Variants in PXK observed in about 807,000 individuals in gnomAD.
The protein encoded by PXK is PX domain-containing protein kinase-like protein.
Under a neutral mutation model 84.7 loss-of-function variants are expected in PXK, and 35 were observed. The observed-to-expected ratio is 0.41, with a 90% CI of 0.32 to 0.55. PXK has a LOEUF of 0.55. Among genes scored for constraint, PXK ranks in the 20% least tolerant of loss-of-function variants. The pLI is 0.21. For missense variants in PXK, 634 were observed against 699.7 expected (o/e 0.91, Z 1.06); for synonymous variants, 253 against 260.8 (o/e 0.97, Z 0.29).
In PXK at chr3:58,424,807, G is replaced by T. The variant is rs1416548791; in HGVS notation, c.1584G>T (p.Leu528Phe). The change falls in exon 18 of 18, where the codon TTG becomes TTT. Residue 528 changes from leucine to phenylalanine, a missense_variant. Leu to Phe is a conservative substitution (Grantham distance 22). Coordinates refer to ENST00000356151, the MANE Select transcript of PXK (RefSeq NM_017771.5). ...CTCCACCACCACCAGCAGCTCCCTTGCCTCCTGCGAGCACCGAGGCACCTG... is the reference window on the plus strand; with the variant it reads ...CTCCACCACCACCAGCAGCTCCCTTTCCTCCTGCGAGCACCGAGGCACCTG... ...PPPPPPPAAPLPPASTEAPAQ... is the reference protein window; with the variant it reads ...PPPPPPPAAPFPPASTEAPAQ... 2 of 1,614,118 alleles carry T rather than the reference G, an allele frequency of 1.2e-6. No homozygotes were observed. Among genetic ancestry groups the T allele is most frequent in the Non-Finnish European group, 1.7e-6 (2 of 1,180,030 alleles).
At chr3:58,340,844 G>C (rs1229979427) in intron 1 of PXK, among the ~76,000 whole-genome samples, 2 of 152,110 alleles carry the variant, frequency 1.3e-5, no homozygotes, top group East Asian at 3.9e-4. Context: ...TTGGGGTAGC[G>C]TCATAGGAAA....
chr3:58,359,900 C>A (rs2098151889), intron 1 of PXK, among the ~76,000 whole-genome samples: 1 of 152,192 alleles, frequency 6.6e-6, no homozygotes, highest in Admixed American at 6.5e-5. Context: ...ATAATCCCAG[C>A]ACTTTGGGAG....
intron 1 of PXK, among the ~76,000 whole-genome samples, chr3:58,335,018 G>GGTGTGTGTGTGTGTGTGTGT (rs375780661): frequency 9.4e-5 from 10 of 106,568 alleles, no homozygotes; most frequent in South Asian, 4.0e-4. Context: ...TGTCCAGGCT[G>GGTGTGTGTGTGTGTGTGTGT]GTGTGTGTGT....
chr3:58,357,690 T>C (rs1237926960), intron 1 of PXK, among the ~76,000 whole-genome samples: 2 of 152,224 alleles, frequency 1.3e-5, no homozygotes, highest in Non-Finnish European at 2.9e-5. Flanking sequence ...GACACCTATA[T>C]GTAATCCTAG....
rs757817758 is a variant in PXK at position 58,403,891 on chromosome 3, C to T, written c.1211C>T (p.Ser404Phe). The part of the protein sequence containing the change: ...PLFSDVLLTT[S>F]EKPQFKIPTK... ...TTCAGCGATGTTTTACTAACCACTT[C>T]TGAAAAACCACAGTTTAAGGTAAAG... is the stretch of plus-strand genomic sequence containing the variant. The change falls in exon 13 of 18, where the codon TCT becomes TTT. Residue 404 changes from serine (S) to phenylalanine (F), a missense_variant. Physicochemically the swap from Ser to Phe is radical, Grantham distance 155 (BLOSUM62 -2). Coordinates refer to ENST00000356151, the MANE Select transcript of PXK (RefSeq NM_017771.5). 3.2e-6 allele frequency: 5 copies of T among 1,541,480 alleles called. No homozygotes were observed. The highest frequency in any genetic ancestry group is 1.4e-5 in the African/African-American group (1 of 73,902).
chr3:58,388,902 T>C (rs1318063779), intron 4 of PXK, among the ~76,000 whole-genome samples: 5 of 152,072 alleles, frequency 3.3e-5, no homozygotes, highest in African/African-American at 4.8e-5. Context: ...ACCAGTCTGC[T>C]TGGAATGTAA....
chr3:58,395,711 G>C lies in PXK; in HGVS notation c.774G>C (p.Gln258His). The change falls in exon 9 of 18, where the codon CAG becomes CAC. Residue 258 changes from glutamine (Q) to histidine (H), a missense_variant. This residue lies in a region of PXK where 353 missense variants were observed against 385.2 expected (regional missense o/e 0.92). Coordinates refer to ENST00000356151, the MANE Select transcript of PXK (RefSeq NM_017771.5). ...AGTACTGCAACCCTAAGAAGATTCA[G>C]GGCCTGGAACTCCAGCAAATAAAAA... ...LKKYCNPKKI[Q>H]GLELQQIKTY... 1.2e-6 allele frequency: 2 copies of C among 1,613,846 alleles called. No homozygotes were observed. Among genetic ancestry groups the C allele is most frequent in the Non-Finnish European group, 1.7e-6 (2 of 1,179,844 alleles).
rs1017052614 is a variant in PXK at position 58,409,841 on chromosome 3, G to A, written c.1395+223G>A. Among the ~76,000 whole-genome samples, 2 of 152,178 alleles carry A rather than the reference G, an allele frequency of 1.3e-5. No homozygotes were observed. Among genetic ancestry groups the A allele is most frequent in the Non-Finnish European group, 2.9e-5 (2 of 68,034 alleles). On this transcript the variant is annotated intron_variant, in intron 15 of 17. Transcript: ENST00000356151. The surrounding 1 kb of genome is among the most constrained non-coding windows in gnomAD (Gnocchi z 4.2). ...ATGTAGTTTCCTAGCTTGCTGGGCA[G>A]ATTATGGCGTAATGTAATTGGAGGA...
In PXK at chr3:58,409,755, G is replaced by C. The variant is rs2059914859; in HGVS notation, c.1395+137G>C. On this transcript the variant is annotated intron_variant, in intron 15 of 17. Coordinates refer to ENST00000356151, the MANE Select transcript of PXK (RefSeq NM_017771.5). The surrounding 1 kb of genome is among the most constrained non-coding windows in gnomAD (Gnocchi z 4.2). Reference sequence around the variant, plus strand: ...AAGCTAAGACTATTTCCAGATGACTGGGGTGCAGTTTTTTTGGGGAAAAAA... The same window carrying C: ...AAGCTAAGACTATTTCCAGATGACTCGGGTGCAGTTTTTTTGGGGAAAAAA... The C allele has an allele frequency of 1.4e-6, 1 of 699,414 alleles. No homozygotes were observed. The highest frequency in any genetic ancestry group is 2.2e-6 in the Non-Finnish European group (1 of 451,188). 43.3% of individuals were successfully genotyped at this position (699,414 alleles called of 1,614,324 possible). A position where few individuals can be genotyped will look rare whatever the true frequency, so the allele number is the denominator to read the frequency against.
chr3:58,340,671 G>A (rs2097713456), intron 1 of PXK, among the ~76,000 whole-genome samples: 1 of 151,834 alleles, frequency 6.6e-6, no homozygotes, highest in South Asian at 2.1e-4. Flanking sequence ...ATTGTAGTGA[G>A]CCAAGATGGC....
rs1013979786 is a variant in PXK at position 58,370,857 on chromosome 3, G to A, written c.201+1379G>A. 4.0e-5 allele frequency among the ~76,000 whole-genome samples: 6 copies of A among 150,650 alleles called. No individual in the cohort carries two copies. Among genetic ancestry groups the A allele is most frequent in the African/African-American group, 1.5e-4 (6 of 41,126 alleles). On this transcript the variant is annotated intron_variant, in intron 3 of 17. Transcript: ENST00000356151. The surrounding 1 kb of genome is among the most constrained non-coding windows in gnomAD (Gnocchi z 4.2). ...CTACTAAAAATACAAAAATTAGCTG[G>A]GTGTGGTGTGGGCGCCTGTAATCCC...
At chr3:58,375,591 T>C (rs972154935) in intron 3 of PXK, among the ~76,000 whole-genome samples, 1 of 152,210 alleles carries the variant, frequency 6.6e-6, no homozygotes, top group African/African-American at 2.4e-5. Flanking sequence ...CCAAGGCCAC[T>C]GTGTGAATGG....
intron 1 of PXK, among the ~76,000 whole-genome samples, chr3:58,359,236 A>G (rs2098139083): frequency 6.6e-6 from 1 of 152,200 alleles, no homozygotes; most frequent in Non-Finnish European, 1.5e-5. Context: ...AAACATTAAA[A>G]TTATTCCTCT....
intron 1 of PXK, among the ~76,000 whole-genome samples, chr3:58,345,145 T>G (rs1240042109): frequency 6.6e-6 from 1 of 152,086 alleles, no homozygotes. Context: ...TGAAGCAAAG[T>G]ACTAAAGGGC....
chr3:58,351,201 T>C (rs1170772480), intron 1 of PXK, among the ~76,000 whole-genome samples: 1 of 152,154 alleles, frequency 6.6e-6, no homozygotes, highest in Admixed American at 6.6e-5. Context: ...TCAGGATTCC[T>C]TATTTAATTT....
chr3:58,395,453 T>A (rs4553990), intron 8 of PXK, among the ~76,000 whole-genome samples: 35,896 of 152,164 alleles, frequency 0.24, 5,927 homozygotes, highest in East Asian at 0.8. Flanking sequence ...ACCAGGCACA[T>A]CTTCACTGGG....
At chr3:58,336,071 ATTTTTTTTT>A (rs1171021563) in intron 1 of PXK, among the ~76,000 whole-genome samples, 24 of 51,582 alleles carry the variant, frequency 4.7e-4, no homozygotes, top group African/African-American at 2.4e-3. Context: ...ATATATATAT[ATTTTTTTTT>A]TTTTTTTTTA....
rs745454363 is a variant in PXK at position 58,395,750 on chromosome 3, A to C, written c.813A>C (p.Gln271His). 5 of 1,607,352 alleles carry C rather than the reference A, an allele frequency of 3.1e-6. No individual in the cohort carries two copies. Among genetic ancestry groups the C allele is most frequent in the Non-Finnish European group, 4.3e-6 (5 of 1,174,062 alleles). The change falls in exon 9 of 18, where the codon CAA becomes CAC. Residue 271 changes from glutamine to histidine, a missense_variant. Transcript: ENST00000356151. The part of the protein sequence containing the change: ...ELQQIKTYGR[Q>H]ILEVLKFLHD... Reference sequence around the variant, plus strand: ...AGCAAATAAAAACATATGGACGGCAAATATTAGAGGTAAGAGGTACTTTTG... The same window carrying C: ...AGCAAATAAAAACATATGGACGGCACATATTAGAGGTAAGAGGTACTTTTG...
At chr3:58,336,072 T>TATATATATATATATATATATATA (rs58493068) in intron 1 of PXK, among the ~76,000 whole-genome samples, 1 of 30,980 alleles carries the variant, frequency 3.2e-5, no homozygotes, top group African/African-American at 1.6e-4. Flanking sequence ...TATATATATA[T>TATATATATATATATATATATATA]TTTTTTTTTT....
Sources: allele counts gnomAD v4.1 joint callset (sites outside exome capture counted in the v4.1 genomes callset), GRCh38; gene constraint gnomAD v4.1.1; regional missense constraint gnomAD v4.1.1; non-coding constraint Gnocchi (gnomAD v3.1); transcripts MANE v1.5; gene names NCBI Gene and HGNC (gene_info 2026-07-23, HGNC 2026-07-21).